Variants in GOSR1 observed in about 807,000 individuals in gnomAD.
GOSR1 encodes the protein golgi SNAP receptor complex member 1, also known as 28 kDa Golgi SNARE protein.
Under a neutral mutation model 35.5 loss-of-function variants are expected in GOSR1, and 21 were observed. The ratio of observed to expected loss-of-function variants is 0.59; its 90% confidence interval spans 0.42 to 0.85. GOSR1 has a LOEUF of 0.85. GOSR1 is among the 40% of genes least tolerant of loss of function. The pLI is 0.00. For missense variants in GOSR1, 285 were observed against 309.6 expected (o/e 0.92, Z 0.60); for synonymous variants, 94 against 106.6 (o/e 0.88, Z 0.73).
rs376710188 is a variant in GOSR1 at position 30,522,365 on chromosome 17, A to G, written c.734A>G (p.Tyr245Cys). Reference sequence around the variant, plus strand: ...ATCTGTACCATCCTGTTGCTGCTGTATGCGTTCCATTGATGGGACATCTTC... The same window carrying G: ...ATCTGTACCATCCTGTTGCTGCTGTGTGCGTTCCATTGATGGGACATCTTC... The part of the protein sequence containing the change: ...IGICTILLLL[Y>C]AFH Residue 245 changes from tyrosine to cysteine, a missense_variant, in exon 9 of 9, where the codon TAT (tyrosine) becomes TGT (cysteine). Tyr to Cys is a radical substitution (Grantham distance 194). Transcript: ENST00000451249. 109 of 1,583,960 alleles carry G rather than the reference A, an allele frequency of 6.9e-5. 1 individual carries two copies. In the Middle Eastern group the frequency reaches 8.4e-4, roughly 12 times the overall value.
intron 4 of GOSR1, among the ~76,000 whole-genome samples, chr17:30,488,559 A>T (rs1490090907): frequency 6.8e-6 from 1 of 146,886 alleles, no homozygotes; most frequent in Non-Finnish European, 1.5e-5. Flanking sequence ...TTTGAAACAG[A>T]GTCTCGCTCT....
At chr17:30,519,061 T>C (rs976180812) in intron 7 of GOSR1, among the ~76,000 whole-genome samples, 5 of 152,234 alleles carry the variant, frequency 3.3e-5, no homozygotes, top group South Asian at 2.1e-4. Flanking sequence ...CTTTTCTCTT[T>C]AATCTTTTCT....
intron 8 of GOSR1, among the ~76,000 whole-genome samples, chr17:30,521,525 A>T (rs1173022147): frequency 6.6e-6 from 1 of 151,688 alleles, no homozygotes; most frequent in African/African-American, 2.4e-5. Flanking sequence ...ACTGGAACCT[A>T]GCATAGCGCC....
At chr17:30,503,369 CTAGTT>C in intron 6 of GOSR1, among the ~76,000 whole-genome samples, 1 of 152,236 alleles carries the variant, frequency 6.6e-6, no homozygotes, top group South Asian at 2.1e-4. Context: ...TTGTTTTCAG[CTAGTT>C]TAAATTGGTC....
chr17:30,478,011 C>G (rs752595183), intron 1 of GOSR1: 269 of 787,008 alleles, frequency 3.4e-4, no homozygotes, highest in Non-Finnish European at 4.0e-4. Context: ...ACTTCCAGGA[C>G]TGGGTGTTTG....
At position 30,526,649 on chromosome 17, in the gene GOSR1, A is replaced by G. The variant is rs1449358318; in HGVS notation, c.*4271A>G. The G allele has an allele frequency of 2.0e-5, 3 of 152,540 alleles. No individual in the cohort carries two copies. The highest frequency in any genetic ancestry group is 2.1e-4 in the South Asian group (1 of 4,830). 9.4% of individuals were successfully genotyped at this position (152,540 alleles called of 1,614,324 possible). A position where few individuals can be genotyped will look rare whatever the true frequency, so the allele number is the denominator to read the frequency against. Reference sequence around the variant, plus strand: ...ATGCCAATACAGATTTTTAAAACCTATTGTTTTCCAAATGCACTTTGTAAG... The same window carrying G: ...ATGCCAATACAGATTTTTAAAACCTGTTGTTTTCCAAATGCACTTTGTAAG... On this transcript the variant is annotated 3_prime_UTR_variant, in exon 9 of 9. Coordinates refer to ENST00000451249, the MANE Select transcript of GOSR1 (RefSeq NM_001007025.2).
chr17:30,485,560 T>C (rs1484998735), intron 4 of GOSR1, among the ~76,000 whole-genome samples: 2 of 152,160 alleles, frequency 1.3e-5, no homozygotes, highest in Non-Finnish European at 2.9e-5. Context: ...CACAGGTTTT[T>C]GCTATGTTGC....
At chr17:30,494,677 A>G (rs899215182) in intron 6 of GOSR1, among the ~76,000 whole-genome samples, 4 of 151,570 alleles carry the variant, frequency 2.6e-5, no homozygotes, top group African/African-American at 9.7e-5. Context: ...GTGTGATCTC[A>G]GCTCACTGTG....
At chr17:30,504,113 G>A (rs1170710527) in intron 6 of GOSR1, among the ~76,000 whole-genome samples, 2 of 148,710 alleles carry the variant, frequency 1.3e-5, no homozygotes, top group East Asian at 2.0e-4. Context: ...TGCAACTTCC[G>A]CCTCCCGGGT....
intron 7 of GOSR1, among the ~76,000 whole-genome samples, chr17:30,512,032 G>A (rs1448186495): frequency 6.6e-6 from 1 of 152,152 alleles, no homozygotes; most frequent in Admixed American, 6.5e-5. Context: ...TTCAGTCTTA[G>A]TCCAACTCTA....
At chr17:30,518,907 G>A (rs1967917545) in intron 7 of GOSR1, among the ~76,000 whole-genome samples, 1 of 152,030 alleles carries the variant, frequency 6.6e-6, no homozygotes, top group Non-Finnish European at 1.5e-5. Flanking sequence ...ACACCACTGG[G>A]CTCCAGCCTG....
In GOSR1 at chr17:30,522,338, G is replaced by T. The variant is rs1209431933; in HGVS notation, c.707G>T (p.Gly236Val). 3.7e-6 allele frequency: 6 copies of T among 1,608,364 alleles called. No homozygotes were observed. Among genetic ancestry groups the T allele is most frequent in the Non-Finnish European group, 5.1e-6 (6 of 1,177,014 alleles). Residue 236 changes from glycine (G) to valine (V), a missense_variant, in exon 9 of 9, where the codon GGG becomes GTG. Physicochemically the swap from Gly to Val is moderately radical, Grantham distance 109 (BLOSUM62 -3). Around this residue, in one of 3 missense-constraint regions of GOSR1, gnomAD observed 168 missense variants for 183.2 expected, o/e 0.92. Coordinates refer to ENST00000451249, the MANE Select transcript of GOSR1 (RefSeq NM_001007025.2). ...TCGCTCATCCTAGGGGGTGTTATTG[G>T]GATCTGTACCATCCTGTTGCTGCTG... Reference protein sequence around the residue: ...RDSLILGGVIGICTILLLLYA... With the variant: ...RDSLILGGVIVICTILLLLYA...
chr17:30,500,250 C>T (rs762469149), intron 6 of GOSR1, among the ~76,000 whole-genome samples: 6 of 152,104 alleles, frequency 3.9e-5, no homozygotes, highest in Non-Finnish European at 7.4e-5. Context: ...TCTTGGCTAT[C>T]CTAAGGTTAC....
chr17:30,481,580 T>C (rs552057219), intron 2 of GOSR1, among the ~76,000 whole-genome samples: 2 of 151,980 alleles, frequency 1.3e-5, no homozygotes, highest in Admixed American at 1.3e-4. Flanking sequence ...CCGTGTGGCA[T>C]GTATTTCTTG....
intron 1 of GOSR1, chr17:30,479,154 C>T (rs1018650735): frequency 6.6e-6 from 1 of 152,252 alleles, no homozygotes; most frequent in African/African-American, 2.4e-5. Context: ...AAATATGCTC[C>T]ACTATGTTAA....
intron 4 of GOSR1, 46 bp downstream of exon 4, chr17:30,484,816 GT>G (rs371433527): frequency 0.073 from 51,982 of 709,404 alleles, no homozygotes; most frequent in East Asian, 0.11. Context: ...AGGAGTTTGG[GT>G]TTTTTTTTTT....
At chr17:30,500,610 G>C (rs1366476890) in intron 6 of GOSR1, among the ~76,000 whole-genome samples, 3 of 152,138 alleles carry the variant, frequency 2.0e-5, no homozygotes, top group Admixed American at 6.5e-5. Context: ...TAGGCTAGTT[G>C]TACTCTGGTT....
intron 4 of GOSR1, among the ~76,000 whole-genome samples, chr17:30,487,233 T>C (rs566340424): frequency 6.6e-6 from 1 of 152,162 alleles, no homozygotes; most frequent in Non-Finnish European, 1.5e-5. Flanking sequence ...ATAAAATAAA[T>C]GGAACTATAA....
intron 7 of GOSR1, among the ~76,000 whole-genome samples, chr17:30,515,242 C>A (rs1004861398): frequency 2.0e-5 from 3 of 152,104 alleles, no homozygotes; most frequent in Non-Finnish European, 2.9e-5. Flanking sequence ...ATCTTCCCAC[C>A]TCAGCATTCT....
Sources: gnomAD v4.1 joint callset for allele counts (sites outside exome capture counted in the v4.1 genomes callset) on GRCh38, gnomAD v4.1.1 for gene constraint, gnomAD v4.1.1 regional missense constraint, MANE v1.5 for transcripts, NCBI Gene and HGNC (gene_info 2026-07-23, HGNC 2026-07-21) for gene names.